Variants in COP1 observed in about 807,000 individuals in gnomAD.
COP1 encodes E3 ubiquitin-protein ligase COP1.
In COP1, 24 loss-of-function variants were observed where a neutral mutation model predicts 101.3. The ratio of observed to expected loss-of-function variants is 0.24; its 90% CI spans 0.17 to 0.33. COP1 has a LOEUF of 0.33. COP1 is among the 10% of genes least tolerant of loss of function. The pLI is 1.00. For missense variants in COP1, 663 were observed against 906.2 expected, an observed-to-expected ratio of 0.73 and a Z score of 3.45; for synonymous variants, 347 against 341.9, an observed-to-expected ratio of 1.01 and a Z score of -0.17.
At chr1:176,088,944 G>T (rs1680735613) in intron 9 of COP1, among the ~76,000 whole-genome samples, 1 of 145,344 alleles carries the variant, frequency 6.9e-6, no homozygotes, top group African/African-American at 2.5e-5. Context: ...GAAGTGAGCT[G>T]AGGTCGCACC....
At chr1:176,080,203 G>T (rs1678858866) in intron 11 of COP1, among the ~76,000 whole-genome samples, 1 of 152,106 alleles carries the variant, frequency 6.6e-6, no homozygotes, top group Non-Finnish European at 1.5e-5. Context: ...TAAAAAGAAA[G>T]CTAAAATAGT....
chr1:176,049,169 A>C (rs1179044738), intron 11 of COP1, among the ~76,000 whole-genome samples: 3 of 109,116 alleles, frequency 2.7e-5, no homozygotes, highest in Admixed American at 1.0e-4. Context: ...ACAGAGCGAG[A>C]CTCCGTCTCA....
At chr1:176,075,576 A>C (rs1317947177) in intron 11 of COP1, among the ~76,000 whole-genome samples, 1 of 152,202 alleles carries the variant, frequency 6.6e-6, no homozygotes, top group Non-Finnish European at 1.5e-5. Context: ...AACAATGTCC[A>C]TTTTAAGAGA....
chr1:176,176,685 A>G (rs1223812699), intron 2 of COP1, among the ~76,000 whole-genome samples: 1 of 152,050 alleles, frequency 6.6e-6, no homozygotes, highest in Admixed American at 6.6e-5. Flanking sequence ...CAGGCATGAT[A>G]GCATATGCAG....
At chr1:176,135,368 A>G (rs1296701519) in intron 7 of COP1, among the ~76,000 whole-genome samples, 2 of 151,784 alleles carry the variant, frequency 1.3e-5, no homozygotes, top group Non-Finnish European at 3.0e-5. Context: ...AAAAAGATAA[A>G]TGTAAATGTA....
At chr1:176,123,444 A>G (rs1232732790) in intron 8 of COP1, among the ~76,000 whole-genome samples, 1 of 152,152 alleles carries the variant, frequency 6.6e-6, no homozygotes, top group African/African-American at 2.4e-5. Flanking sequence ...GAATCAAAGT[A>G]TATCTATAAT....
At chr1:175,992,257 G>A (rs561538685) in intron 15 of COP1, among the ~76,000 whole-genome samples, 18 of 152,032 alleles carry the variant, frequency 1.2e-4, no homozygotes, top group African/African-American at 4.3e-4. Context: ...ATGTACAATG[G>A]GAGGTGGAGG....
chr1:175,985,243 G>C (rs1172936293), intron 18 of COP1, among the ~76,000 whole-genome samples: 1 of 152,142 alleles, frequency 6.6e-6, no homozygotes, highest in Non-Finnish European at 1.5e-5. Context: ...TGCTGTGACT[G>C]TTTCTACAGT....
At chr1:176,125,787 T>C (rs1253002245) in intron 8 of COP1, among the ~76,000 whole-genome samples, 1 of 152,196 alleles carries the variant, frequency 6.6e-6, no homozygotes, top group Non-Finnish European at 1.5e-5. Context: ...TTGATAGTGA[T>C]TGCAATGTAT....
chr1:176,151,735 T>C (rs755750038), intron 5 of COP1, among the ~76,000 whole-genome samples: 5 of 152,236 alleles, frequency 3.3e-5, no homozygotes, highest in Non-Finnish European at 7.3e-5. Flanking sequence ...CATGCTTTAG[T>C]ATCCTTCGGT....
chr1:175,981,145 T>C (rs760080947), intron 18 of COP1, among the ~76,000 whole-genome samples: 1 of 152,176 alleles, frequency 6.6e-6, no homozygotes, highest in Non-Finnish European at 1.5e-5. Flanking sequence ...GCATATCCTC[T>C]AAGGTTTTCT....
intron 9 of COP1, among the ~76,000 whole-genome samples, chr1:176,104,991 TAG>T (rs933695108): frequency 2.0e-5 from 3 of 152,166 alleles, no homozygotes; most frequent in African/African-American, 4.8e-5. Flanking sequence ...TGAACTTCCA[TAG>T]AGTTACCTTC....
chr1:175,964,075 A>G (rs1651708960), intron 18 of COP1, among the ~76,000 whole-genome samples: 1 of 152,208 alleles, frequency 6.6e-6, no homozygotes. Context: ...ATTTTATTTC[A>G]GAATATTACA....
At chr1:176,161,301 AT>A (rs1694288579) in intron 5 of COP1, among the ~76,000 whole-genome samples, 1 of 152,186 alleles carries the variant, frequency 6.6e-6, no homozygotes, top group Admixed American at 6.6e-5. Flanking sequence ...ATAAAAAGTC[AT>A]TTTAGGGCCG....
intron 11 of COP1, among the ~76,000 whole-genome samples, chr1:176,080,505 G>A (rs2149394504): frequency 6.6e-6 from 1 of 152,194 alleles, no homozygotes; most frequent in African/African-American, 2.4e-5. Context: ...CAATAAAACT[G>A]ATAATCTTCT....
chr1:176,187,666 T>C (rs967397734), intron 1 of COP1, among the ~76,000 whole-genome samples: 2 of 152,224 alleles, frequency 1.3e-5, no homozygotes. Context: ...ATCTTTCTAA[T>C]TGTAATTCCT....
At chr1:176,124,395 T>C (rs2502842) in intron 8 of COP1, among the ~76,000 whole-genome samples, 110,333 of 147,304 alleles carry the variant, frequency 0.75, 43,442 homozygotes, top group East Asian at 0.92. Flanking sequence ...CCATTAAACG[T>C]TCCCACCTCC....
chr1:175,956,659 T>C (rs1650687389), intron 18 of COP1, among the ~76,000 whole-genome samples: 1 of 152,216 alleles, frequency 6.6e-6, no homozygotes, highest in Non-Finnish European at 1.5e-5. Flanking sequence ...CAAAATATAG[T>C]CATGCACTGC....
At chr1:176,045,157 A>C (rs1219405587) in intron 12 of COP1, among the ~76,000 whole-genome samples, 1 of 152,142 alleles carries the variant, frequency 6.6e-6, no homozygotes, top group Non-Finnish European at 1.5e-5. Flanking sequence ...CTTTCTTTGT[A>C]TAAAATGGAG....
Sources: allele counts gnomAD v4.1 joint callset (sites outside exome capture counted in the v4.1 genomes callset), GRCh38; gene constraint gnomAD v4.1.1; transcripts MANE v1.5; gene names NCBI Gene and HGNC (gene_info 2026-07-23, HGNC 2026-07-21).